The following KSR2 variants were observed in gnomAD, a reference collection of about 807,000 sequenced individuals.
The protein encoded by KSR2 is kinase suppressor of ras 2.
Under a neutral mutation model 107.8 loss-of-function variants are expected in KSR2, and 25 were observed. That is an observed-to-expected ratio of 0.23 (90% CI 0.17 to 0.32). KSR2 has a LOEUF of 0.32. Among genes scored for constraint, KSR2 ranks in the 10% least tolerant of loss-of-function variants. The pLI, the probability that KSR2 is intolerant of heterozygous loss-of-function variation, is 1.00. For synonymous variants in KSR2, 480 were observed against 507.0 expected, an observed-to-expected ratio of 0.95 and a Z score of 0.71; for missense variants, 887 against 1,268.9, an observed-to-expected ratio of 0.70 and a Z score of 4.57.
At chr12:117,522,326 A>C (rs1874805661) in intron 14 of KSR2, among the ~76,000 whole-genome samples, 1 of 152,110 alleles carries the variant, frequency 6.6e-6, no homozygotes, top group African/African-American at 2.4e-5. Context: ...GTAATGCTGA[A>C]CAGGGAGGCA....
chr12:117,761,584 C>T, intron 3 of KSR2, 60 bp from the exon 4 acceptor site: 2 of 1,466,142 alleles, frequency 1.4e-6, no homozygotes, highest in Non-Finnish European at 9.5e-7. Flanking sequence ...AGGTGAGTTA[C>T]ACCATACACA....
At chr12:117,583,901 T>C (rs961448115) in intron 5 of KSR2, among the ~76,000 whole-genome samples, 1 of 152,206 alleles carries the variant, frequency 6.6e-6, no homozygotes, top group Admixed American at 6.5e-5. Context: ...AATGCATGCC[T>C]CATTTTTCAC....
intron 4 of KSR2, among the ~76,000 whole-genome samples, chr12:117,751,235 G>C (rs1465394879): frequency 6.6e-6 from 1 of 152,096 alleles, no homozygotes; most frequent in Non-Finnish European, 1.5e-5. Context: ...TTCCCCCTCT[G>C]CCATGATTGT....
intron 9 of KSR2, among the ~76,000 whole-genome samples, chr12:117,542,266 C>G (rs778715713): frequency 6.6e-6 from 1 of 152,226 alleles, no homozygotes; most frequent in South Asian, 2.1e-4. Context: ...TATGTAGGTA[C>G]CCACCTCCTT....
chr12:117,794,053 C>T (rs576505804), intron 3 of KSR2, among the ~76,000 whole-genome samples: 1 of 102,256 alleles, frequency 9.8e-6, no homozygotes, highest in East Asian at 4.0e-4. Context: ...CATGCACACT[C>T]GTACCAACAT....
chr12:117,645,868 CGTGTGTGTGTGT>C (rs58896782), intron 5 of KSR2, among the ~76,000 whole-genome samples: 2,430 of 142,124 alleles, frequency 0.017, 67 homozygotes, highest in African/African-American at 0.056. Context: ...TGTGTATGTG[CGTGTGTGTGTGT>C]GTGTGTGTGT....
At chr12:117,634,361 C>T (rs1882952749) in intron 5 of KSR2, among the ~76,000 whole-genome samples, 2 of 152,122 alleles carry the variant, frequency 1.3e-5, no homozygotes, top group African/African-American at 4.8e-5. Flanking sequence ...CTTCCAAAAG[C>T]CATTGCATGC....
Position 117,721,073 on chromosome 12 carries a change from A to G in KSR2, c.986+39938T>C, listed in dbSNP as rs77762775. 1.3e-3 allele frequency among the ~76,000 whole-genome samples: 198 copies of G among 152,344 alleles called. 1 individual carries two copies. The highest frequency in any genetic ancestry group is 4.4e-3 in the African/African-American group (184 of 41,562). On this transcript the variant is annotated intron_variant, in intron 4 of 19. Transcript: ENST00000339824. ...AAAGAGTTAAGAAGTTCATAAGCTC[A>G]ATACCTTTCCTACTTCCAGGAAAAT...
intron 5 of KSR2, among the ~76,000 whole-genome samples, chr12:117,594,193 A>G (rs11068560): frequency 0.033 from 5,046 of 152,274 alleles, 214 homozygotes; most frequent in South Asian, 0.14. Flanking sequence ...CACAGAACAA[A>G]GGGCTGCTGA....
intron 3 of KSR2, among the ~76,000 whole-genome samples, chr12:117,833,824 C>T (rs368079320): frequency 4.6e-5 from 7 of 152,030 alleles, no homozygotes; most frequent in African/African-American, 1.2e-4. Flanking sequence ...ATTCCCCTAC[C>T]GTGATTTCCC....
intron 10 of KSR2, 60 bp downstream of exon 10, chr12:117,539,659 C>G: frequency 6.8e-7 from 1 of 1,471,906 alleles, no homozygotes; most frequent in Non-Finnish European, 9.1e-7. Context: ...AACCCACCCC[C>G]TCCCTAATCT....
At position 117,850,644 on chromosome 12, in the gene KSR2, C is replaced by CA. The variant is rs1348104078; in HGVS notation, c.472+4783dup. Among the ~76,000 whole-genome samples, 15 of 152,058 alleles carry CA rather than the reference C, an allele frequency of 9.9e-5. No individual in the cohort carries two copies. In the South Asian group the frequency reaches 1.7e-3, roughly 17 times the overall value. On this transcript the variant is annotated intron_variant, in intron 3 of 19. Coordinates refer to ENST00000339824, the MANE Select transcript of KSR2 (RefSeq NM_173598.6). ...GCAACATGACAAAACTCTATCTCTA[C>CA]AAAAAATACAGAAAAGTTTGCCAGG... is the stretch of plus-strand genomic sequence containing the variant.
At chr12:117,664,608 A>C (rs1250818485) in intron 5 of KSR2, among the ~76,000 whole-genome samples, 1 of 152,154 alleles carries the variant, frequency 6.6e-6, no homozygotes, top group East Asian at 1.9e-4. Context: ...TAATTGCATC[A>C]AAAGATTTGC....
At chr12:117,807,509 T>A (rs1891050773) in intron 3 of KSR2, among the ~76,000 whole-genome samples, 1 of 152,194 alleles carries the variant, frequency 6.6e-6, no homozygotes, top group African/African-American at 2.4e-5. Flanking sequence ...CAGCTCCCAT[T>A]TTTGGAGATT....
intron 3 of KSR2, among the ~76,000 whole-genome samples, chr12:117,834,730 T>C (rs1360109493): frequency 1.3e-5 from 2 of 152,164 alleles, no homozygotes; most frequent in Non-Finnish European, 2.9e-5. Flanking sequence ...TAGTAATATA[T>C]GATAATCACA....
At chr12:117,799,571 A>T (rs549757241) in intron 3 of KSR2, among the ~76,000 whole-genome samples, 8 of 152,168 alleles carry the variant, frequency 5.3e-5, no homozygotes, top group Non-Finnish European at 8.8e-5. Context: ...TAATAAAAAA[A>T]ATTTAATCAT....
chr12:117,529,459 T>C (rs1448990874), intron 12 of KSR2, among the ~76,000 whole-genome samples: 1 of 152,170 alleles, frequency 6.6e-6, no homozygotes, highest in Admixed American at 6.5e-5. Context: ...CAGGTGATCC[T>C]CCTACCTTGC....
intron 2 of KSR2, among the ~76,000 whole-genome samples, chr12:117,859,839 A>G (rs1893228805): frequency 6.6e-6 from 1 of 152,242 alleles, no homozygotes; most frequent in South Asian, 2.1e-4. Context: ...CACATTTCAC[A>G]GATGGTAATA....
At chr12:117,561,763 C>T (rs1297548588) in intron 7 of KSR2, among the ~76,000 whole-genome samples, 1 of 152,190 alleles carries the variant, frequency 6.6e-6, no homozygotes, top group Non-Finnish European at 1.5e-5. Context: ...TGTGACCTGG[C>T]TTTCTTTGTC....
Sources: allele counts gnomAD v4.1 joint callset (sites outside exome capture counted in the v4.1 genomes callset), GRCh38; gene constraint gnomAD v4.1.1; transcripts MANE v1.5; gene names NCBI Gene and HGNC (gene_info 2026-07-23, HGNC 2026-07-21).